KIF26B: variants seen among roughly 807,000 people sequenced by gnomAD.
KIF26B encodes kinesin-like protein KIF26B.
In KIF26B, 63 loss-of-function variants were observed where a neutral mutation model predicts 151.2. That is an observed-to-expected ratio of 0.42 (90% confidence interval 0.34 to 0.51). KIF26B has a LOEUF of 0.51. KIF26B is among the 20% of genes least tolerant of loss of function. KIF26B has a pLI of 0.07. For synonymous variants in KIF26B, 1,357 were observed against 1,262.1 expected (o/e 1.08, Z -1.59); for missense variants, 2,813 against 2,913.6 (o/e 0.97, Z 0.79).
In KIF26B at chr1:245,403,290, C is replaced by T. The variant is rs766866887; in HGVS notation, c.1000-16289C>T. Among the ~76,000 whole-genome samples, 86 of 152,264 alleles carry T rather than the reference C, an allele frequency of 5.6e-4. 2 individuals are homozygous for T. Among genetic ancestry groups the T allele is most frequent in the Admixed American group, 1.3e-4 (2 of 15,286 alleles). Reference sequence around the variant, plus strand: ...GCCGAGCTTGACTAGTTATATTGTTCTTAAAGGTTTATAGAAGGAAGGAGC... The same window carrying T: ...GCCGAGCTTGACTAGTTATATTGTTTTTAAAGGTTTATAGAAGGAAGGAGC... On this transcript the variant is annotated intron_variant, in intron 3 of 14. Transcript: ENST00000407071.
chr1:245,702,497 A>C lies in KIF26B; in HGVS notation c.6218A>C (p.Tyr2073Ser), dbSNP rs2044785477. The part of the protein sequence containing the change: ...EQVWELDSLE[Y>S]LEALECVTER... ...GTTTGGGAGCTGGATTCCCTGGAGT[A>C]CCTGGAGGCACTGGAGTGTGTGACG... Residue 2073 changes from tyrosine to serine, a missense_variant, in exon 15 of 15, where the codon TAC (tyrosine) becomes TCC (serine). Transcript: ENST00000407071. The surrounding 1 kb of genome is among the most constrained non-coding windows in gnomAD (Gnocchi z 4.1). The C allele has an allele frequency of 6.2e-7, 1 of 1,613,750 alleles. No homozygotes were observed. Among genetic ancestry groups the C allele is most frequent in the Non-Finnish European group, 8.5e-7 (1 of 1,179,828 alleles).
At chr1:245,324,955 TGTG>T (rs1183680246) in intron 2 of KIF26B, among the ~76,000 whole-genome samples, 1 of 151,368 alleles carries the variant, frequency 6.6e-6, no homozygotes, top group African/African-American at 2.4e-5. Flanking sequence ...ATTAGCCAGG[TGTG>T]GTGGCATGCA....
intron 4 of KIF26B, among the ~76,000 whole-genome samples, chr1:245,435,070 T>C (rs1658878241): frequency 6.7e-6 from 1 of 149,600 alleles, no homozygotes; most frequent in African/African-American, 2.5e-5. Flanking sequence ...CATCCATCCA[T>C]CCATCCATCC....
intron 4 of KIF26B, among the ~76,000 whole-genome samples, chr1:245,485,144 T>C (rs767868019): frequency 3.3e-5 from 5 of 152,064 alleles, no homozygotes; most frequent in Non-Finnish European, 7.4e-5. Context: ...TAAATCCACT[T>C]AAATAGGGGA....
intron 2 of KIF26B, among the ~76,000 whole-genome samples, chr1:245,237,086 A>G (rs1463408293): frequency 2.6e-5 from 4 of 152,196 alleles, no homozygotes; most frequent in African/African-American, 4.8e-5. Flanking sequence ...TCAGCAGCAC[A>G]CTGGCTGGCT....
chr1:245,640,246 C>T (rs944262542), intron 9 of KIF26B, among the ~76,000 whole-genome samples: 10 of 147,482 alleles, frequency 6.8e-5, no homozygotes, highest in Non-Finnish European at 1.5e-4. Flanking sequence ...TAACAATTTC[C>T]TTTGTTTCTT....
chr1:245,698,266 T>C lies in KIF26B; in HGVS notation c.5985T>C (p.Asp1995=). ...TTGAGATTAAAGTCTATGAAATCGA[T>C]GACGTGGAGCGCCTGCAGCGGCGAC... is the stretch of plus-strand genomic sequence containing the variant. ...EPFEIKVYEI[D]DVERLQRRRG... The change falls in exon 13 of 15, where the codon GAT becomes GAC. Residue 1995 remains aspartate (D), a synonymous_variant. Transcript: ENST00000407071. This position sits in a 1 kb window ranked among gnomAD's most constrained non-coding sequence, Gnocchi z 4.0. 1 of 1,613,766 alleles carries C rather than the reference T, an allele frequency of 6.2e-7. No individual in the cohort carries two copies. Among genetic ancestry groups the C allele is most frequent in the Non-Finnish European group, 8.5e-7 (1 of 1,179,780 alleles).
chr1:245,499,048 G>A (rs1660566808), intron 4 of KIF26B, among the ~76,000 whole-genome samples: 1 of 152,096 alleles, frequency 6.6e-6, no homozygotes, highest in South Asian at 2.1e-4. Context: ...ACTCCTGAAG[G>A]AACAACTTGG....
In KIF26B at chr1:245,550,333, A is replaced by G. The variant is rs1030001144; in HGVS notation, c.1350+9383A>G. On this transcript the variant is annotated intron_variant, in intron 5 of 14. Transcript: ENST00000407071. ...GATGGTAAAATTGGTCTGTTTTCCA[A>G]TGCTAGCTTCTTCAGTTTCCGCTGA... is the stretch of plus-strand genomic sequence containing the variant. Among the ~76,000 whole-genome samples, 19 of 152,312 alleles carry G rather than the reference A, an allele frequency of 1.2e-4. No individual in the cohort carries two copies. The East Asian group carries it at 2.7e-3, about 22-fold the overall frequency.
intron 4 of KIF26B, among the ~76,000 whole-genome samples, chr1:245,482,793 G>A (rs142013920): frequency 2.6e-5 from 4 of 151,818 alleles, no homozygotes; most frequent in African/African-American, 7.2e-5. Context: ...AGGCAAATGC[G>A]TTCCCTAAGG....
intron 9 of KIF26B, among the ~76,000 whole-genome samples, chr1:245,619,923 A>T (rs2043640205): frequency 6.6e-6 from 1 of 151,914 alleles, no homozygotes; most frequent in South Asian, 2.1e-4. Context: ...AAAAACAAAA[A>T]ATGAAAAATA....
Position 245,685,479 on chromosome 1 carries a change from C to A in KIF26B, c.2496C>A (p.Pro832=), listed in dbSNP as rs200317382. 1,968 of 1,613,856 alleles carry A rather than the reference C, an allele frequency of 1.2e-3. 7 individuals carry two copies. The highest frequency in any genetic ancestry group is 1.5e-3 in the Non-Finnish European group (1,731 of 1,179,878). The part of the protein sequence containing the change: ...GRMRRPTQLR[P]FHTRATVDPD... ...TGCGCAGGCCCACCCAGCTGAGACC[C>A]TTCCACACCAGGGCCACGGTGGACC... Residue 832 remains proline, a synonymous_variant, in exon 12 of 15, where the codon CCC becomes CCA. Transcript: ENST00000407071.
chr1:245,511,312 T>C (rs1660832655), intron 4 of KIF26B, among the ~76,000 whole-genome samples: 1 of 152,168 alleles, frequency 6.6e-6, no homozygotes, highest in South Asian at 2.1e-4. Flanking sequence ...ACTTGCAGAA[T>C]ACCTAGTTCT....
intron 5 of KIF26B, among the ~76,000 whole-genome samples, chr1:245,586,406 G>A (rs1012672573): frequency 6.6e-6 from 1 of 152,140 alleles, no homozygotes; most frequent in South Asian, 2.1e-4. Flanking sequence ...AACACCTGGA[G>A]TTTTGTGATT....
In KIF26B at chr1:245,171,342, A is replaced by G. The variant is rs904461277; in HGVS notation, c.465+14659A>G. 9.9e-5 allele frequency among the ~76,000 whole-genome samples: 15 copies of G among 152,148 alleles called. 1 individual carries two copies. Among genetic ancestry groups the G allele is most frequent in the Admixed American group, 2.0e-4 (3 of 15,276 alleles). Reference sequence around the variant, plus strand: ...GCGGATCACGATGTCGGGAGTTCGAAACCAGCCTGACCAACATGGTGAAAC... The same window carrying G: ...GCGGATCACGATGTCGGGAGTTCGAGACCAGCCTGACCAACATGGTGAAAC... On this transcript the variant is annotated intron_variant, in intron 2 of 14. Transcript: ENST00000407071.
chr1:245,516,208 A>T lies in KIF26B; in HGVS notation c.1167-24559A>T, dbSNP rs1446355062. On this transcript the variant is annotated intron_variant, in intron 4 of 14. Transcript: ENST00000407071. The surrounding 1 kb of genome is among the most constrained non-coding windows in gnomAD (Gnocchi z 4.2). ...TTATCCTTTTTATCAGCAGAATGGT[A>T]CATTTCCCATAGCAATGCTTGAACT... is the stretch of plus-strand genomic sequence containing the variant. Among the ~76,000 whole-genome samples the T allele has an allele frequency of 6.6e-6, 1 of 152,206 alleles. No homozygotes were observed. Among genetic ancestry groups the T allele is most frequent in the African/African-American group, 2.4e-5 (1 of 41,454 alleles).
chr1:245,216,616 G>A (rs1038897816), intron 2 of KIF26B, among the ~76,000 whole-genome samples: 1 of 152,102 alleles, frequency 6.6e-6, no homozygotes, highest in Non-Finnish European at 1.5e-5. Context: ...GTAGCCTTTC[G>A]GAAAGTATGC....
At chr1:245,608,762 CT>C (rs376470035) in intron 7 of KIF26B, among the ~76,000 whole-genome samples, 13 of 148,348 alleles carry the variant, frequency 8.8e-5, no homozygotes, top group African/African-American at 1.2e-4. Flanking sequence ...TGCTTTGTTT[CT>C]TTTTTTTTTA....
intron 3 of KIF26B, among the ~76,000 whole-genome samples, chr1:245,390,140 T>C (rs1042687924): frequency 6.6e-6 from 1 of 151,826 alleles, no homozygotes; most frequent in East Asian, 1.9e-4. Context: ...CTGGTCATGC[T>C]ATTACTCATT....
Sources: allele counts gnomAD v4.1 joint callset (sites outside exome capture counted in the v4.1 genomes callset), GRCh38; gene constraint gnomAD v4.1.1; non-coding constraint Gnocchi (gnomAD v3.1); transcripts MANE v1.5; gene names NCBI Gene and HGNC (gene_info 2026-07-23, HGNC 2026-07-21).